Variants in ELL2 observed in about 807,000 individuals in gnomAD.
ELL2 encodes the protein elongation factor for RNA polymerase II 2, also known as RNA polymerase II elongation factor ELL2.
Under a neutral mutation model 72.8 loss-of-function variants are expected in ELL2, and 21 were observed. The ratio of observed to expected loss-of-function variants is 0.29; its 90% CI spans 0.20 to 0.42. ELL2 has a LOEUF of 0.42. Ranked by LOEUF, ELL2 falls within the 10% of genes least tolerant of loss-of-function variation. The pLI is 1.00. For synonymous variants in ELL2, 266 were observed against 283.2 expected (o/e 0.94, Z 0.61); for missense variants, 568 against 772.8 (o/e 0.73, Z 3.14).
At chr5:95,941,302 GC>G (rs1166145585) in intron 2 of ELL2, among the ~76,000 whole-genome samples, 8 of 152,152 alleles carry the variant, frequency 5.3e-5, no homozygotes, top group African/African-American at 1.9e-4. Context: ...AGTAGAGCAG[GC>G]AAAGATAAAC....
Position 95,923,422 on chromosome 5 carries a change from C to T in ELL2, c.196-3877G>A, listed in dbSNP as rs138888036. Among the ~76,000 whole-genome samples the T allele has an allele frequency of 6.8e-4, 104 of 152,226 alleles. 1 individual carries two copies. Among genetic ancestry groups the T allele is most frequent in the African/African-American group, 2.2e-3 (92 of 41,512 alleles). ...ACTTCTCAACAGTCTCTCCTACCTGCGTGTAACACTATGGGTATATTTGAG... is the reference window on the plus strand; with the variant it reads ...ACTTCTCAACAGTCTCTCCTACCTGTGTGTAACACTATGGGTATATTTGAG... On this transcript the variant is annotated intron_variant, in intron 2 of 11. Coordinates refer to ENST00000237853, the MANE Select transcript of ELL2 (RefSeq NM_012081.6).
intron 4 of ELL2, among the ~76,000 whole-genome samples, chr5:95,911,367 C>G (rs1749589579): frequency 6.7e-6 from 1 of 149,620 alleles, no homozygotes; most frequent in Admixed American, 6.6e-5. Context: ...GAGACGGAGT[C>G]TCGCTCTGTC....
At position 95,900,709 on chromosome 5, in the gene ELL2, G is replaced by A; in HGVS notation, c.938C>T (p.Ala313Val). ...ATGACATACCTGAGGAGAAGATACA[G>A]CGTCTCTACTAGAACATACAGGAGA... ...SESPVCSSRD[A>V]VSSPQKRLLD... The change falls in exon 7 of 12, where the codon GCT (alanine) becomes GTT (valine). Residue 313 changes from alanine (A) to valine (V), a missense_variant. Transcript: ENST00000237853. 6.3e-7 allele frequency: 1 copy of A among 1,598,938 alleles called. No homozygotes were observed. The highest frequency in any genetic ancestry group is 1.3e-5 in the African/African-American group (1 of 74,146).
In ELL2 at chr5:95,903,234, T is replaced by TTC. The variant is rs1554075435; in HGVS notation, c.742-2155_742-2154insGA. ...TTTTTTTTTTTTTTTTTTTTTTTTT[T>TTC]CCGAGACAGAGTCTTGCTCTGTCGC... On this transcript the variant is annotated intron_variant, in intron 5 of 11. Transcript: ENST00000237853. 2.7e-3 allele frequency among the ~76,000 whole-genome samples: 294 copies of TTC among 109,510 alleles called. 4 individuals are homozygous for TTC. The highest frequency in any genetic ancestry group is 0.012 in the African/African-American group (287 of 23,882). 71.8% of individuals were successfully genotyped at this position (109,510 alleles called of 152,430 possible).
In ELL2 at chr5:95,907,296, A is replaced by ATTTTTTTTTTTTT. The variant is rs1211663802; in HGVS notation, c.482-515_482-514insAAAAAAAAAAAAA. On this transcript the variant is annotated intron_variant, in intron 4 of 11. Transcript: ENST00000237853. ...GTTAGTGATATATATATATATATATATTTTTTTTTTTTACAGGCCAAGACA... is the reference window on the plus strand; with the variant it reads ...GTTAGTGATATATATATATATATATATTTTTTTTTTTTTTTTTTTTTTTTTACAGGCCAAGACA... Among the ~76,000 whole-genome samples the ATTTTTTTTTTTTT allele has an allele frequency of 4.0e-4, 47 of 116,474 alleles. 2 individuals are homozygous for ATTTTTTTTTTTTT. The highest frequency in any genetic ancestry group is 1.5e-3 in the South Asian group (5 of 3,278). 76.4% of individuals were successfully genotyped at this position (116,474 alleles called of 152,430 possible). A position where few individuals can be genotyped will look rare whatever the true frequency, so the allele number is the denominator to read the frequency against.
chr5:95,949,589 A>G (rs543291894), intron 1 of ELL2, among the ~76,000 whole-genome samples: 1 of 152,168 alleles, frequency 6.6e-6, no homozygotes, highest in South Asian at 2.1e-4. Flanking sequence ...ATTATTCTTT[A>G]CTTAATTCAA....
intron 2 of ELL2, among the ~76,000 whole-genome samples, chr5:95,939,411 C>T (rs1333915065): frequency 6.6e-6 from 1 of 152,216 alleles, no homozygotes; most frequent in East Asian, 1.9e-4. Flanking sequence ...CTTGGCACTA[C>T]TAAAGGCTGA....
intron 9 of ELL2, among the ~76,000 whole-genome samples, chr5:95,891,875 A>T (rs1002852112): frequency 6.6e-6 from 1 of 152,222 alleles, no homozygotes; most frequent in Non-Finnish European, 1.5e-5. Flanking sequence ...AAGGGAAATT[A>T]CCAACCATTC....
chr5:95,933,515 A>G (rs1217291443), intron 2 of ELL2, among the ~76,000 whole-genome samples: 1 of 152,178 alleles, frequency 6.6e-6, no homozygotes, highest in African/African-American at 2.4e-5. Flanking sequence ...AATATAAAAA[A>G]GCAATAAACA....
chr5:95,946,617 A>G (rs1367095077), intron 1 of ELL2, among the ~76,000 whole-genome samples: 1 of 152,234 alleles, frequency 6.6e-6, no homozygotes, highest in Non-Finnish European at 1.5e-5. Flanking sequence ...CACATCCGCT[A>G]TCAACCAAGA....
intron 5 of ELL2, among the ~76,000 whole-genome samples, chr5:95,901,447 A>AC (rs1212094815): frequency 6.6e-6 from 1 of 152,068 alleles, no homozygotes; most frequent in Non-Finnish European, 1.5e-5. Flanking sequence ...ACACTCAAAC[A>AC]CCCCCAGTCG....
chr5:95,940,680 A>G (rs2112345518), intron 2 of ELL2, among the ~76,000 whole-genome samples: 1 of 152,358 alleles, frequency 6.6e-6, no homozygotes, highest in South Asian at 2.1e-4. Context: ...ATTAAGGAAA[A>G]GTATCCTTTG....
intron 2 of ELL2, among the ~76,000 whole-genome samples, chr5:95,921,623 T>C (rs1750092053): frequency 6.6e-6 from 1 of 152,196 alleles, no homozygotes; most frequent in African/African-American, 2.4e-5. Flanking sequence ...CCTACAGCAG[T>C]AGAGGCAAAC....
At chr5:95,896,181 T>C (rs1256174966) in intron 8 of ELL2, among the ~76,000 whole-genome samples, 1 of 152,232 alleles carries the variant, frequency 6.6e-6, no homozygotes, top group African/African-American at 2.4e-5. Flanking sequence ...TGGAATTTGG[T>C]AGAAAGTTTT....
At chr5:95,898,974 CA>C (rs912298137) in intron 7 of ELL2, among the ~76,000 whole-genome samples, 164 bp from the exon 8 acceptor site, 3 of 151,846 alleles carry the variant, frequency 2.0e-5, no homozygotes, top group African/African-American at 7.3e-5. Flanking sequence ...AACAAACAAA[CA>C]AAAAACCCAA....
intron 4 of ELL2, among the ~76,000 whole-genome samples, chr5:95,908,463 T>C (rs574736290): frequency 1.3e-5 from 2 of 152,326 alleles, no homozygotes; most frequent in East Asian, 3.9e-4. Flanking sequence ...TGCTGTTGCT[T>C]TGTGTTAGGC....
chr5:95,958,447 G>A (rs938176826), intron 1 of ELL2, among the ~76,000 whole-genome samples: 3 of 152,170 alleles, frequency 2.0e-5, no homozygotes, highest in Non-Finnish European at 4.4e-5. Flanking sequence ...CAGGTGGGTG[G>A]AGCCTGCAGT....
intron 2 of ELL2, among the ~76,000 whole-genome samples, chr5:95,930,837 A>G (rs550941060): frequency 6.6e-6 from 1 of 152,328 alleles, no homozygotes; most frequent in Non-Finnish European, 1.5e-5. Context: ...CATTTTAATT[A>G]ATTAAATTGT....
chr5:95,904,899 G>A (rs1749296445), intron 5 of ELL2, among the ~76,000 whole-genome samples: 1 of 152,144 alleles, frequency 6.6e-6, no homozygotes, highest in Admixed American at 6.5e-5. Context: ...ATGAGATCGT[G>A]CACGTGAAAT....
Sources: allele counts gnomAD v4.1 joint callset (sites outside exome capture counted in the v4.1 genomes callset), GRCh38; gene constraint gnomAD v4.1.1; transcripts MANE v1.5; gene names NCBI Gene and HGNC (gene_info 2026-07-23, HGNC 2026-07-21).